Variants in PRDM5 observed in about 807,000 individuals in gnomAD.
PRDM5 encodes PR/SET domain 5, also known as PR domain zinc finger protein 5.
In PRDM5, 56 loss-of-function variants were observed where a neutral mutation model predicts 81.2. That is an observed-to-expected ratio of 0.69 (90% CI 0.56 to 0.86). PRDM5 has a LOEUF of 0.86. PRDM5 is among the 40% of genes least tolerant of loss of function. The pLI, the probability that PRDM5 is intolerant of heterozygous loss-of-function variation, is 0.00. For synonymous variants in PRDM5, 267 were observed against 256.4 expected (o/e 1.04, Z -0.39); for missense variants, 697 against 770.1 (o/e 0.91, Z 1.12).
intron 10 of PRDM5, among the ~76,000 whole-genome samples, chr4:120,792,933 G>A (rs893517299): frequency 6.6e-6 from 1 of 152,094 alleles, no homozygotes; most frequent in Non-Finnish European, 1.5e-5. Context: ...GGGGAAGGGA[G>A]GAATGGGAAG....
chr4:120,723,830 C>T (rs889126439), intron 14 of PRDM5, among the ~76,000 whole-genome samples: 3 of 150,060 alleles, frequency 2.0e-5, no homozygotes, highest in South Asian at 2.1e-4. Context: ...ATGTAACTGT[C>T]TTTTTCTCTT....
intron 3 of PRDM5, among the ~76,000 whole-genome samples, chr4:120,844,621 A>ATC (rs1369484981): frequency 6.6e-6 from 1 of 151,884 alleles, no homozygotes; most frequent in Non-Finnish European, 1.5e-5. Context: ...CCCTTCCCCC[A>ATC]TCTCTCTCTC....
In PRDM5 at chr4:120,885,343, G is replaced by T. The variant is rs73843644; in HGVS notation, c.177+22131C>A. Among the ~76,000 whole-genome samples, 1,452 of 152,028 alleles carry T rather than the reference G, an allele frequency of 9.6e-3. 18 individuals carry two copies. Among genetic ancestry groups the T allele is most frequent in the African/African-American group, 0.033 (1,374 of 41,450 alleles). ...CTCCACCAAGGTAGAAAGGTGAAGA[G>T]GTGGAAAAAACTTGGGTAACATTAA... On this transcript the variant is annotated intron_variant, in intron 2 of 15. Coordinates refer to ENST00000264808, the MANE Select transcript of PRDM5 (RefSeq NM_018699.4).
chr4:120,886,981 T>C (rs1158240693), intron 2 of PRDM5, among the ~76,000 whole-genome samples: 4 of 151,810 alleles, frequency 2.6e-5, no homozygotes, highest in Non-Finnish European at 5.9e-5. Context: ...AGTCTCACTT[T>C]GTTGACCAAG....
At chr4:120,731,015 T>C (rs969162622) in intron 14 of PRDM5, among the ~76,000 whole-genome samples, 2 of 151,634 alleles carry the variant, frequency 1.3e-5, no homozygotes, top group African/African-American at 4.8e-5. Context: ...CCCTTAAGAG[T>C]TTCCCTTGCA....
downstream of PRDM5, among the ~76,000 whole-genome samples, chr4:120,687,706 G>A (rs1023255775): frequency 9.9e-5 from 15 of 152,230 alleles, no homozygotes; most frequent in South Asian, 2.7e-3. Context: ...ATTAAGAGGT[G>A]GGACTTTTAG....
intron 8 of PRDM5, among the ~76,000 whole-genome samples, chr4:120,802,807 C>G (rs1752331681): frequency 6.6e-6 from 1 of 152,174 alleles, no homozygotes; most frequent in African/African-American, 2.4e-5. Flanking sequence ...CGCTTCTCCC[C>G]CTCCAAAGGA....
intron 3 of PRDM5, among the ~76,000 whole-genome samples, chr4:120,843,653 T>C (rs1354299130): frequency 6.8e-6 from 1 of 147,164 alleles, no homozygotes; most frequent in East Asian, 2.0e-4. Context: ...ATCAGGCCAC[T>C]GCACGCTGGT....
At position 120,853,555 on chromosome 4, in the gene PRDM5, G is replaced by A. The variant is rs1209853884; in HGVS notation, c.178-15C>T. Reference sequence around the variant, plus strand: ...CTCCCACGAACCTGAAACATTAAAGGCTCCTGAGTTTACAATGGAAGTCAG... The same window carrying A: ...CTCCCACGAACCTGAAACATTAAAGACTCCTGAGTTTACAATGGAAGTCAG... On this transcript the variant is annotated splice_polypyrimidine_tract_variant and intron_variant, in intron 2 of 15. Transcript: ENST00000264808. The A allele has an allele frequency of 6.2e-7, 1 of 1,613,462 alleles. No homozygotes were observed. Among genetic ancestry groups the A allele is most frequent in the Non-Finnish European group, 8.5e-7 (1 of 1,179,544 alleles).
At chr4:120,765,963 CTT>C (rs375991850) in intron 13 of PRDM5, among the ~76,000 whole-genome samples, 60 of 138,108 alleles carry the variant, frequency 4.3e-4, no homozygotes, top group Non-Finnish European at 5.3e-4. Context: ...TTTTTTCTTT[CTT>C]TTTTTTTTTT....
At chr4:120,852,556 T>C (rs1025545729) in intron 3 of PRDM5, among the ~76,000 whole-genome samples, 3 of 152,086 alleles carry the variant, frequency 2.0e-5, no homozygotes, top group Non-Finnish European at 4.4e-5. Context: ...CCTGGTTCTA[T>C]AGCAGCTTCT....
intron 10 of PRDM5, among the ~76,000 whole-genome samples, chr4:120,797,553 G>A (rs1751508871): frequency 6.6e-6 from 1 of 152,086 alleles, no homozygotes; most frequent in African/African-American, 2.4e-5. Context: ...TTTATAAAGG[G>A]ACCAATACTG....
chr4:120,853,625 T>C (rs2149420938), intron 2 of PRDM5, 85 bp from the exon 3 acceptor site: 1 of 1,559,406 alleles, frequency 6.4e-7, no homozygotes, highest in Non-Finnish European at 8.8e-7. Context: ...TGACGTTTTT[T>C]CATAAGTATA....
In PRDM5 at chr4:120,772,048, G is replaced by T. The variant is rs542035393; in HGVS notation, c.1537+5140C>A. Among the ~76,000 whole-genome samples the T allele has an allele frequency of 2.3e-3, 346 of 152,208 alleles. 2 individuals carry two copies. Among genetic ancestry groups the T allele is most frequent in the African/African-American group, 7.8e-3 (324 of 41,506 alleles). ...GTATATGACTAGCTAGTGGCAGGGG[G>T]CTAGGGTTTGAACTCAAGCCAGCTG... is the stretch of plus-strand genomic sequence containing the variant. On this transcript the variant is annotated intron_variant, in intron 13 of 15. Coordinates refer to ENST00000264808, the MANE Select transcript of PRDM5 (RefSeq NM_018699.4).
chr4:120,880,598 T>C (rs1194765727), intron 2 of PRDM5, among the ~76,000 whole-genome samples: 3 of 152,182 alleles, frequency 2.0e-5, no homozygotes, highest in African/African-American at 4.8e-5. Context: ...TTGTATTTTA[T>C]ACCTACAGCA....
intron 11 of PRDM5, among the ~76,000 whole-genome samples, chr4:120,781,598 G>T (rs138564694): frequency 6.6e-6 from 1 of 152,088 alleles, no homozygotes; most frequent in Admixed American, 6.6e-5. Flanking sequence ...CTTCTACAGC[G>T]GGGGCTGGGA....
At chr4:120,699,307 AC>A (rs1220157320) in intron 15 of PRDM5, among the ~76,000 whole-genome samples, 12 of 150,242 alleles carry the variant, frequency 8.0e-5, no homozygotes, top group Non-Finnish European at 1.6e-4. Context: ...AGTAGTATTA[AC>A]TCTGCTTTCT....
Position 120,821,309 on chromosome 4 carries a change from T to C in PRDM5, c.337A>G (p.Ile113Val), listed in dbSNP as rs564156631. 3.2e-5 allele frequency: 52 copies of C among 1,614,114 alleles called. No individual in the cohort carries two copies. In the African/African-American group the frequency reaches 3.7e-4, roughly 12 times the overall value. Residue 113 changes from isoleucine (I) to valine (V), a missense_variant, in exon 4 of 16, where the codon ATA becomes GTA. Ile to Val is a conservative substitution (Grantham distance 29). Around this residue, in one of 3 missense-constraint regions of PRDM5, gnomAD observed 577 missense variants for 606.7 expected, o/e 0.95. Coordinates refer to ENST00000264808, the MANE Select transcript of PRDM5 (RefSeq NM_018699.4). ...ATCAGAAGCTCCGTGTCTGTTTCTA[T>C]ATCTTCAACTGCCAAATAGAAAATG... is the stretch of plus-strand genomic sequence containing the variant. ...ENIFYLAVED[I>V]ETDTELLIGY...
At chr4:120,838,059 T>C (rs1202039803) in intron 3 of PRDM5, 1 of 152,200 alleles carries the variant, frequency 6.6e-6, no homozygotes, top group Non-Finnish European at 1.5e-5. Flanking sequence ...AGTTTTGACA[T>C]AAACTAACCA....
Sources: allele counts gnomAD v4.1 joint callset (sites outside exome capture counted in the v4.1 genomes callset), GRCh38; gene constraint gnomAD v4.1.1; regional missense constraint gnomAD v4.1.1; transcripts MANE v1.5; gene names NCBI Gene and HGNC (gene_info 2026-07-23, HGNC 2026-07-21).